Variants in PTBP1 observed in about 807,000 individuals in gnomAD.
PTBP1 encodes the protein polypyrimidine tract binding protein 1.
Under a neutral mutation model 59.8 loss-of-function variants are expected in PTBP1, and 8 were observed. That is an observed-to-expected ratio of 0.13 (90% confidence interval 0.08 to 0.24). The LOEUF is 0.24. PTBP1 is among the 10% of genes least tolerant of loss of function. The probability of loss-of-function intolerance (pLI) is 1.00; values close to 1 mark genes in which losing one functional copy is unlikely to be tolerated. For synonymous variants in PTBP1, 490 were observed against 320.7 expected (o/e 1.53, Z -5.64); for missense variants, 686 against 767.0 (o/e 0.89, Z 1.25).
rs1376617995 is a variant in PTBP1, at chr19:803,736, AG to A, written c.115+104del. Reference sequence around the variant, plus strand: ...GACTCTACTTTCCATCTCCAACTGCAGGGGCCCATGGTCCACGCTACAGACC... The same window carrying A: ...GACTCTACTTTCCATCTCCAACTGCAGGGCCCATGGTCCACGCTACAGACC... On this transcript the variant is annotated intron_variant, in intron 3 of 14. Coordinates refer to ENST00000356948, the MANE Select transcript of PTBP1 (RefSeq NM_002819.5). The A allele has an allele frequency of 2.7e-6, 3 of 1,119,958 alleles. No homozygotes were observed. The East Asian group carries it at 7.0e-5, about 26-fold the overall frequency. 69.4% of individuals were successfully genotyped at this position (1,119,958 alleles called of 1,614,324 possible). A position where few individuals can be genotyped will look rare whatever the true frequency, so the allele number is the denominator to read the frequency against.
chr19:797,651 G>A, intron 1 of PTBP1, 146 bp downstream of exon 1: 4 of 431,296 alleles, frequency 9.3e-6, no homozygotes, highest in Non-Finnish European at 1.4e-5. Flanking sequence ...CGCGTGGCGG[G>A]CGCGGGTGCG....
intron 13 of PTBP1, among the ~76,000 whole-genome samples, chr19:810,024 G>T (rs552279936): frequency 6.6e-6 from 1 of 152,148 alleles, no homozygotes; most frequent in Non-Finnish European, 1.5e-5. Context: ...AATCAACAAG[G>T]GGCCTGGCAG....
At position 811,832 on chromosome 19, in the gene PTBP1, A is replaced by T. The variant is rs1181658303; in HGVS notation, c.*1006A>T. 1.3e-5 allele frequency: 2 copies of T among 152,420 alleles called. No homozygotes were observed. Among genetic ancestry groups the T allele is most frequent in the Non-Finnish European group, 2.9e-5 (2 of 68,030 alleles). The allele number at this position is 152,420 out of a possible 1,614,324, so 9.4% of individuals were successfully genotyped here. ...CCTAGAAAACTTGCTCTCAAACTTC[A>T]GGGTTTTTTCTTCCTTCAAATTTTG... On this transcript the variant is annotated 3_prime_UTR_variant, in exon 15 of 15. Coordinates refer to ENST00000356948, the MANE Select transcript of PTBP1 (RefSeq NM_002819.5).
intron 6 of PTBP1, 25 bp from the exon 7 acceptor site, chr19:804,804 T>C (rs770592779): frequency 1.2e-6 from 2 of 1,608,080 alleles, no homozygotes; most frequent in South Asian, 1.1e-5. Flanking sequence ...GGGCAGGAGC[T>C]CATGCTGTGG....
chr19:804,229 C>A (rs200203295), intron 4 of PTBP1, 21 bp downstream of exon 4: 3 of 1,607,368 alleles, frequency 1.9e-6, no homozygotes, highest in African/African-American at 2.7e-5. Context: ...CGCGTTTCTC[C>A]GGGGTGCTCA....
chr19:802,389 G>T (rs1203193651), intron 2 of PTBP1, among the ~76,000 whole-genome samples: 1 of 151,492 alleles, frequency 6.6e-6, no homozygotes, highest in African/African-American at 2.4e-5. Flanking sequence ...GTTGGTGGGG[G>T]CTCTTTGGCC....
At chr19:805,234 G>A (rs2034508058) in intron 8 of PTBP1, 47 bp downstream of exon 8, 8 of 1,598,908 alleles carry the variant, frequency 5.0e-6, no homozygotes, top group Non-Finnish European at 6.8e-6. Flanking sequence ...TGGTCTATTA[G>A]GGCCGCTCAG....
At chr19:803,088 C>T (rs1006266025) in intron 2 of PTBP1, among the ~76,000 whole-genome samples, 2 of 152,208 alleles carry the variant, frequency 1.3e-5, no homozygotes, top group African/African-American at 4.8e-5. Flanking sequence ...ATTTGGTTCT[C>T]TTGCGAGGCC....
intron 3 of PTBP1, 50 bp downstream of exon 3, chr19:803,686 GAAC>G (rs1568266991): frequency 3.3e-6 from 5 of 1,501,414 alleles, no homozygotes; most frequent in Admixed American, 3.4e-5. Flanking sequence ...TCTTTCCCTG[GAAC>G]AACGTTACGT....
intron 2 of PTBP1, among the ~76,000 whole-genome samples, chr19:802,738 T>C (rs373469961): frequency 6.6e-6 from 1 of 152,214 alleles, no homozygotes; most frequent in African/African-American, 2.4e-5. Context: ...AATTTCACTC[T>C]TTGAATAAAC....
chr19:806,800 G>T (rs541521651), intron 10 of PTBP1: 13 of 439,590 alleles, frequency 3.0e-5, no homozygotes, highest in Non-Finnish European at 5.2e-5. Context: ...TTATTTTTTG[G>T]TTACCCAAAG....
At chr19:805,219 C>T in intron 8 of PTBP1, 32 bp downstream of exon 8, 3 of 1,609,490 alleles carry the variant, frequency 1.9e-6, no homozygotes, top group Non-Finnish European at 2.5e-6. Context: ...CGCCAGTGTG[C>T]AGAGTGGTCT....
rs777988845 is a variant in PTBP1 at position 808,461 on chromosome 19, C to T, written c.1246+9C>T. On this transcript the variant is annotated intron_variant, in intron 12 of 14. Coordinates refer to ENST00000356948, the MANE Select transcript of PTBP1 (RefSeq NM_002819.5). The surrounding 1 kb of genome is among the most constrained non-coding windows in gnomAD (Gnocchi z 4.7). ...CAACCAGGCCCAGCTGGGTAAGAGG[C>T]CGGGGCGGCCCCGGGGTGGAGGGGG... 8 of 1,590,234 alleles carry T rather than the reference C, an allele frequency of 5.0e-6. No homozygotes were observed. The East Asian group carries it at 1.4e-4, about 27-fold the overall frequency.
chr19:810,337 G>A (rs2034798634), intron 13 of PTBP1, among the ~76,000 whole-genome samples: 1 of 152,088 alleles, frequency 6.6e-6, no homozygotes, highest in African/African-American at 2.4e-5. Flanking sequence ...GTGGTACTCT[G>A]TTTCTGCAAA....
rs1216503963 is a variant in PTBP1 at position 811,811 on chromosome 19, G to A, written c.*985G>A. 6.6e-6 allele frequency: 1 copy of A among 152,476 alleles called. No homozygotes were observed. The highest frequency in any genetic ancestry group is 1.5e-5 in the Non-Finnish European group (1 of 68,036). The allele number at this position is 152,476 out of a possible 1,614,324, so 9.4% of individuals were successfully genotyped here. ...CCACGCCTTCACCTGCAGTCGCCTAGAAAACTTGCTCTCAAACTTCAGGGT... is the reference window on the plus strand; with the variant it reads ...CCACGCCTTCACCTGCAGTCGCCTAAAAAACTTGCTCTCAAACTTCAGGGT... On this transcript the variant is annotated 3_prime_UTR_variant, in exon 15 of 15. Coordinates refer to ENST00000356948, the MANE Select transcript of PTBP1 (RefSeq NM_002819.5).
intron 10 of PTBP1, chr19:806,822 A>T (rs2034603025): frequency 2.6e-6 from 1 of 378,790 alleles, no homozygotes; most frequent in African/African-American, 2.1e-5. Context: ...CAATCTAAAA[A>T]TTACTTGGAG....
At position 803,102 on chromosome 19, in the gene PTBP1, A is replaced by C. The variant is rs553478035; in HGVS notation, c.40-459A>C. Among the ~76,000 whole-genome samples the C allele has an allele frequency of 7.9e-5, 12 of 152,286 alleles. No individual in the cohort carries two copies. In the South Asian group the frequency reaches 2.5e-3, roughly 32 times the overall value. ...AATTTGGTTCTCTTGCGAGGCCACC[A>C]GAAGTGAGGACGGCTGCCTGGGCCC... On this transcript the variant is annotated intron_variant, in intron 2 of 14. Coordinates refer to ENST00000356948, the MANE Select transcript of PTBP1 (RefSeq NM_002819.5).
chr19:800,638 C>A (rs2034290203), intron 2 of PTBP1, among the ~76,000 whole-genome samples: 1 of 152,208 alleles, frequency 6.6e-6, no homozygotes, highest in African/African-American at 2.4e-5. Context: ...CGGTTTTTCC[C>A]AAGTGGACTG....
intron 13 of PTBP1, among the ~76,000 whole-genome samples, chr19:809,124 T>G (rs1410977745): frequency 6.6e-6 from 1 of 151,974 alleles, no homozygotes. Context: ...TTGTGCCACC[T>G]CAGCTTCCCG....
Sources: allele counts gnomAD v4.1 joint callset (sites outside exome capture counted in the v4.1 genomes callset), GRCh38; gene constraint gnomAD v4.1.1; non-coding constraint Gnocchi (gnomAD v3.1); transcripts MANE v1.5; gene names NCBI Gene and HGNC (gene_info 2026-07-23, HGNC 2026-07-21).